Variants in MAP2K2 observed in about 807,000 individuals in gnomAD.
MAP2K2 encodes the protein dual specificity mitogen-activated protein kinase kinase 2.
A neutral mutation model predicts 43.7 loss-of-function variants in MAP2K2; 24 were observed. The ratio of observed to expected loss-of-function variants is 0.55; its 90% CI spans 0.40 to 0.77. MAP2K2 has a LOEUF of 0.77. Among genes scored for constraint, MAP2K2 ranks in the 30% least tolerant of loss-of-function variants. The pLI is 0.00. For missense variants in MAP2K2, 470 were observed against 566.8 expected (o/e 0.83, Z 1.73); for synonymous variants, 244 against 239.7 (o/e 1.02, Z -0.17).
intron 9 of MAP2K2, 27 bp downstream of exon 9, chr19:4,095,361 G>T (rs970893474): frequency 3.9e-6 from 6 of 1,549,084 alleles, no homozygotes; most frequent in African/African-American, 2.7e-5. Context: ...TCCCGGCCAG[G>T]GGTGTGGGCA....
At chr19:4,102,776 G>C in intron 3 of MAP2K2, 9 of 1,267,632 alleles carry the variant, frequency 7.1e-6, no homozygotes, top group East Asian at 4.0e-5. Context: ...CCGCGGCCGG[G>C]GGCTCAGGCA....
rs990014853 is a variant in MAP2K2, at chr19:4,090,423, C to T, written c.*175G>A. The T allele has an allele frequency of 7.7e-6, 5 of 653,548 alleles. No homozygotes were observed. The highest frequency in any genetic ancestry group is 2.7e-5 in the East Asian group (1 of 36,690). 40.5% of individuals were successfully genotyped at this position (653,548 alleles called of 1,614,324 possible). A position where few individuals can be genotyped will look rare whatever the true frequency, so the allele number is the denominator to read the frequency against. ...GTCCCCAGAGGCACCCCGGCCAGGACGGGCAGGAGAGGAGACCCCCGTTCC... is the reference window on the plus strand; with the variant it reads ...GTCCCCAGAGGCACCCCGGCCAGGATGGGCAGGAGAGGAGACCCCCGTTCC... On this transcript the variant is annotated 3_prime_UTR_variant, in exon 11 of 11. Transcript: ENST00000262948.
At chr19:4,107,142 T>C (rs1237790539) in intron 3 of MAP2K2, among the ~76,000 whole-genome samples, 2 of 152,136 alleles carry the variant, frequency 1.3e-5, no homozygotes, top group Non-Finnish European at 1.5e-5. Context: ...ACCCCTGTAA[T>C]CCCAGCACTT....
chr19:4,121,544 C>T (rs1473939007), intron 1 of MAP2K2, among the ~76,000 whole-genome samples: 1 of 130,548 alleles, frequency 7.7e-6, no homozygotes, highest in Non-Finnish European at 1.6e-5. Context: ...CCTAGGACCC[C>T]CTGCTCTGCC....
chr19:4,103,128 T>A lies in MAP2K2; in HGVS notation c.451-675A>T, dbSNP rs1296546838. The stretch of plus-strand genomic sequence containing the variant: ...GCATGGACTGCAGGAGGGATCCCAG[T>A]GACGCCAGCCCAGGTGACGGTAACC... On this transcript the variant is annotated intron_variant, in intron 3 of 10. Transcript: ENST00000262948. 4.0e-6 allele frequency: 4 copies of A among 994,216 alleles called. No homozygotes were observed. In the East Asian group the frequency reaches 3.3e-4, roughly 82 times the overall value. The allele number at this position is 994,216 out of a possible 1,614,324, so 61.6% of individuals were successfully genotyped here. A position where few individuals can be genotyped will look rare whatever the true frequency, so the allele number is the denominator to read the frequency against.
At chr19:4,094,671 A>T (rs368195565) in intron 9 of MAP2K2, 173 bp from the exon 10 acceptor site, 1 of 654,010 alleles carries the variant, frequency 1.5e-6, no homozygotes, top group South Asian at 1.8e-5. Context: ...GCAGAGGACG[A>T]GGGATCCACC....
At chr19:4,123,678 C>T (rs984845023) in intron 1 of MAP2K2, 106 bp downstream of exon 1, 15 of 787,996 alleles carry the variant, frequency 1.9e-5, no homozygotes, top group Non-Finnish European at 2.7e-5. Context: ...CCGTGACCCC[C>T]CTGCCTCGTG....
rs200918323 is a variant in MAP2K2, at chr19:4,117,431, G to T, written c.291C>A (p.Ile97=). ...CCGCAGTGCTCACCTTCCTGGCCAT[G>T]ATGAGGCCCGAGGGTCTGTGCTGGA... is the stretch of plus-strand genomic sequence containing the variant. ...TKVQHRPSGL[I]MARKLIHLEI... Residue 97 remains isoleucine (I), a synonymous_variant, in exon 2 of 11, where the codon ATC becomes ATA. Transcript: ENST00000262948. 52 of 1,613,264 alleles carry T rather than the reference G, an allele frequency of 3.2e-5. No homozygotes were observed. In the East Asian group the frequency reaches 1.1e-3, roughly 35 times the overall value.
At chr19:4,097,434 G>T in intron 7 of MAP2K2, 91 bp from the exon 8 acceptor site, 2 of 947,104 alleles carry the variant, frequency 2.1e-6, no homozygotes, top group Non-Finnish European at 3.4e-6. Context: ...TCACCACCAG[G>T]CGCCCTCCTC....
At chr19:4,123,701 AC>A in intron 1 of MAP2K2, 82 bp downstream of exon 1, 1 of 907,992 alleles carries the variant, frequency 1.1e-6, no homozygotes, top group Non-Finnish European at 1.5e-6. Context: ...CTCCTCGCGA[AC>A]CCCCGTCCCC....
intron 6 of MAP2K2, 143 bp from the exon 7 acceptor site, chr19:4,099,557 C>T (rs994023863): frequency 1.4e-6 from 1 of 704,374 alleles, no homozygotes; most frequent in African/African-American, 1.8e-5. Flanking sequence ...CGCAATTCTA[C>T]CTCCCGGCTC....
rs536761711 is a variant in MAP2K2 at position 4,097,101 on chromosome 19, C to T, written c.984+178G>A. 2.8e-5 allele frequency among the ~76,000 whole-genome samples: 4 copies of T among 144,922 alleles called. No individual in the cohort carries two copies. The East Asian group carries it at 6.1e-4, about 22-fold the overall frequency. On this transcript the variant is annotated intron_variant, in intron 8 of 10. Transcript: ENST00000262948. Reference sequence around the variant, plus strand: ...CCCAGCTACTCGGGAGGCTGAGGCACGAGAATCACATGAGCTTGGAAAGTG... The same window carrying T: ...CCCAGCTACTCGGGAGGCTGAGGCATGAGAATCACATGAGCTTGGAAAGTG...
intron 3 of MAP2K2, chr19:4,103,301 G>T: frequency 1.0e-6 from 1 of 972,202 alleles, no homozygotes; most frequent in Non-Finnish European, 1.2e-6. Flanking sequence ...TCCATGTCTT[G>T]CCCAAGGCTG....
intron 7 of MAP2K2, among the ~76,000 whole-genome samples, chr19:4,097,904 TGA>T (rs1470696861): frequency 6.6e-6 from 1 of 152,112 alleles, no homozygotes; most frequent in African/African-American, 2.4e-5. Flanking sequence ...GTATACCACC[TGA>T]GAGTTGGGAC....
chr19:4,101,032 C>G lies in MAP2K2; in HGVS notation c.692G>C (p.Arg231Pro), dbSNP rs730880511. Reference sequence around the variant, plus strand: ...GCGGGGACTCACAGCCATGTAGGAGCGCGTGCCCACGAAGGAGTTGGCCAT... The same window carrying G: ...GCGGGGACTCACAGCCATGTAGGAGGGCGTGCCCACGAAGGAGTTGGCCAT... ...DSMANSFVGTRSYMAPERLQG... is the reference protein window; with the variant it reads ...DSMANSFVGTPSYMAPERLQG... Residue 231 changes from arginine (R) to proline (P), a missense_variant, in exon 6 of 11, where the codon CGC becomes CCC. Arg to Pro is a moderately radical substitution (Grantham distance 103). Coordinates refer to ENST00000262948, the MANE Select transcript of MAP2K2 (RefSeq NM_030662.4). This position sits in a 1 kb window ranked among gnomAD's most constrained non-coding sequence, Gnocchi z 6.3. 1 of 1,561,478 alleles carries G rather than the reference C, an allele frequency of 6.4e-7. No homozygotes were observed. The highest frequency in any genetic ancestry group is 8.7e-7 in the Non-Finnish European group (1 of 1,153,558).
Position 4,123,925 on chromosome 19 carries a change from G to A in MAP2K2, c.-50C>T, listed in dbSNP as rs760176331. On this transcript the variant is annotated 5_prime_UTR_variant, in exon 1 of 11. Transcript: ENST00000262948. ...CGGCGCCTCTAGCCGGGGCCCATAGGGGGCGGGCCGGGAGCGGTCGGCGCC... is the reference window on the plus strand; with the variant it reads ...CGGCGCCTCTAGCCGGGGCCCATAGAGGGCGGGCCGGGAGCGGTCGGCGCC... The A allele has an allele frequency of 8.8e-7, 1 of 1,141,924 alleles. No individual in the cohort carries two copies. Among genetic ancestry groups the A allele is most frequent in the Non-Finnish European group, 1.1e-6 (1 of 892,018 alleles). 70.7% of individuals were successfully genotyped at this position (1,141,924 alleles called of 1,614,324 possible). A position where few individuals can be genotyped will look rare whatever the true frequency, so the allele number is the denominator to read the frequency against.
chr19:4,097,402 G>T lies in MAP2K2; in HGVS notation c.920-59C>A. The T allele has an allele frequency of 2.9e-6, 4 of 1,361,162 alleles. No homozygotes were observed. In the Admixed American group the frequency reaches 5.1e-5, roughly 17 times the overall value. 84.3% of individuals were successfully genotyped at this position (1,361,162 alleles called of 1,614,324 possible). ...CGATGGCCACCTCACTTCTGCTGGG[G>T]GTTGGGCTCCCAGGGGGCTGATCAC... On this transcript the variant is annotated intron_variant, in intron 7 of 10. Transcript: ENST00000262948.
chr19:4,094,221 G>A (rs2040882480), intron 10 of MAP2K2, among the ~76,000 whole-genome samples: 1 of 152,184 alleles, frequency 6.6e-6, no homozygotes. Context: ...AGAGCCCAGA[G>A]CTGTTCCCAC....
intron 6 of MAP2K2, 147 bp from the exon 7 acceptor site, chr19:4,099,561 C>G: frequency 1.0e-5 from 7 of 687,620 alleles, no homozygotes. Context: ...ATTCTACCTC[C>G]CGGCTCACCC....
Sources: allele counts gnomAD v4.1 joint callset (sites outside exome capture counted in the v4.1 genomes callset), GRCh38; gene constraint gnomAD v4.1.1; non-coding constraint Gnocchi (gnomAD v3.1); transcripts MANE v1.5; gene names NCBI Gene and HGNC (gene_info 2026-07-23, HGNC 2026-07-21).